Variants in TARBP1 observed in about 807,000 individuals in gnomAD.
The protein encoded by TARBP1 is tRNA guanosine 2 -O-methyltransferase TARBP1.
In TARBP1, 144 loss-of-function variants were observed where a neutral mutation model predicts 178.6. The ratio of observed to expected loss-of-function variants is 0.81; its 90% CI spans 0.70 to 0.93. The LOEUF (loss-of-function observed/expected upper bound fraction) is 0.93. Ranked by LOEUF, TARBP1 falls within the 40% of genes least tolerant of loss-of-function variation. The pLI is 0.00. For missense variants in TARBP1, 2,067 were observed against 2,011.7 expected (o/e 1.03, Z -0.53); for synonymous variants, 787 against 781.0 (o/e 1.01, Z -0.13).
At chr1:234,425,357 T>C (rs1461398973) in intron 20 of TARBP1, among the ~76,000 whole-genome samples, 1 of 152,056 alleles carries the variant, frequency 6.6e-6, no homozygotes, top group Non-Finnish European at 1.5e-5. Context: ...CAAACTTGAG[T>C]TGGACAATTA....
chr1:234,465,042 G>A (rs940123774), intron 5 of TARBP1, among the ~76,000 whole-genome samples: 6 of 151,666 alleles, frequency 4.0e-5, no homozygotes, highest in Non-Finnish European at 7.4e-5. Context: ...GTGAATTCAC[G>A]GTTCTTAATA....
chr1:234,463,127 G>T (rs935331574), intron 6 of TARBP1, among the ~76,000 whole-genome samples: 3 of 151,594 alleles, frequency 2.0e-5, no homozygotes, highest in Non-Finnish European at 2.9e-5. Flanking sequence ...GTGTTTTTTT[G>T]TTTTTTTTGT....
intron 6 of TARBP1, 95 bp downstream of exon 6, chr1:234,463,739 TTTA>T (rs1200642080): frequency 1.2e-5 from 7 of 577,202 alleles, no homozygotes; most frequent in Non-Finnish European, 2.0e-5. Context: ...TTTGAAAATA[TTTA>T]TTATAATAGT....
chr1:234,410,730 T>C (rs1001316130), intron 22 of TARBP1, among the ~76,000 whole-genome samples, 199 bp from the exon 23 acceptor site: 1 of 152,154 alleles, frequency 6.6e-6, no homozygotes, highest in Admixed American at 6.5e-5. Context: ...TAGAGCCAAA[T>C]GCCAGTGCAC....
intron 14 of TARBP1, among the ~76,000 whole-genome samples, chr1:234,432,975 A>G (rs567320696): frequency 1.3e-5 from 2 of 152,290 alleles, no homozygotes; most frequent in Non-Finnish European, 1.5e-5. Context: ...TATTAAGAGT[A>G]TCACCTGTAA....
chr1:234,447,707 T>C (rs538984124), intron 11 of TARBP1, among the ~76,000 whole-genome samples: 3 of 152,320 alleles, frequency 2.0e-5, no homozygotes, highest in East Asian at 3.9e-4. Context: ...ATCTACCTAA[T>C]GATGCTGCTT....
intron 12 of TARBP1, among the ~76,000 whole-genome samples, chr1:234,445,162 G>T (rs367604533): frequency 2.0e-5 from 3 of 152,178 alleles, no homozygotes; most frequent in East Asian, 3.9e-4. Context: ...CCTCTGGTGT[G>T]GGATCCCACC....
chr1:234,451,402 A>G (rs1321676357), intron 9 of TARBP1, among the ~76,000 whole-genome samples: 1 of 152,186 alleles, frequency 6.6e-6, no homozygotes. Context: ...AGGGTTACCC[A>G]AAGTTTACTA....
At chr1:234,427,244 G>A in intron 19 of TARBP1, 73 bp downstream of exon 19, 1 of 1,042,398 alleles carries the variant, frequency 9.6e-7, no homozygotes, top group Admixed American at 2.2e-5. Context: ...AGCAAATACA[G>A]AATGTTTGTC....
chr1:234,395,365 T>C (rs1428307387), intron 26 of TARBP1, among the ~76,000 whole-genome samples: 2 of 152,200 alleles, frequency 1.3e-5, no homozygotes, highest in Non-Finnish European at 2.9e-5. Context: ...TAAGGGGCTT[T>C]TGTAGTAGTC....
chr1:234,426,575 T>C (rs1212837175), intron 19 of TARBP1, among the ~76,000 whole-genome samples: 3 of 152,206 alleles, frequency 2.0e-5, no homozygotes, highest in African/African-American at 7.2e-5. Flanking sequence ...TACTTTATGA[T>C]AACTAAATAT....
chr1:234,406,069 C>A lies in TARBP1; in HGVS notation c.3823G>T (p.Val1275Leu). 1 of 1,614,098 alleles carries A rather than the reference C, an allele frequency of 6.2e-7. No homozygotes were observed. The highest frequency in any genetic ancestry group is 8.5e-7 in the Non-Finnish European group (1 of 1,180,006). The change falls in exon 24 of 30, where the codon GTG becomes TTG. Residue 1275 changes from valine (V) to leucine (L), a missense_variant. By Grantham distance (32) the Val-to-Leu change is conservative. Coordinates refer to ENST00000040877, the MANE Select transcript of TARBP1 (RefSeq NM_005646.4). ...TTGTGATTGAAACACCACTGCAGCACAACTATAAGGGCTTGCTTCAGAATT... is the reference window on the plus strand; with the variant it reads ...TTGTGATTGAAACACCACTGCAGCAAAACTATAAGGGCTTGCTTCAGAATT... ...KLILKQALIV[V>L]LQWCFNHNFS... is the part of the protein sequence containing the mutation.
intron 24 of TARBP1, among the ~76,000 whole-genome samples, chr1:234,403,665 T>C (rs1179262297): frequency 6.6e-6 from 1 of 152,156 alleles, no homozygotes; most frequent in African/African-American, 2.4e-5. Context: ...GGTGGCTTAA[T>C]GCCCAGGGTG....
At chr1:234,394,981 T>C (rs1005096902) in intron 26 of TARBP1, among the ~76,000 whole-genome samples, 3 of 151,018 alleles carry the variant, frequency 2.0e-5, no homozygotes, top group Non-Finnish European at 4.4e-5. Flanking sequence ...CCCAGCACTT[T>C]AGGAGGCCAA....
rs116132636 is a variant in TARBP1 at position 234,433,296 on chromosome 1, A to C, written c.2394+114T>G. ...TTATCACTAGAGGGTATATTTTAAA[A>C]CTGAATTTTAGTTAACGCTTTGTAT... is the stretch of plus-strand genomic sequence containing the variant. On this transcript the variant is annotated intron_variant, in intron 14 of 29. Transcript: ENST00000040877. 441 of 1,161,236 alleles carry C rather than the reference A, an allele frequency of 3.8e-4. No individual in the cohort carries two copies. In the African/African-American group the frequency reaches 5.2e-3, roughly 14 times the overall value. 71.9% of individuals were successfully genotyped at this position (1,161,236 alleles called of 1,614,324 possible).
intron 12 of TARBP1, among the ~76,000 whole-genome samples, chr1:234,439,575 T>C (rs1381204174): frequency 9.9e-5 from 15 of 152,096 alleles, no homozygotes; most frequent in Admixed American, 9.2e-4. Flanking sequence ...CCTGTAATCT[T>C]AGCACTTTGG....
In TARBP1 at chr1:234,391,429, T is replaced by A; in HGVS notation, c.*148A>T. The A allele has an allele frequency of 1.3e-6, 1 of 746,714 alleles. No homozygotes were observed. Among genetic ancestry groups the A allele is most frequent in the Non-Finnish European group, 2.1e-6 (1 of 481,702 alleles). The allele number at this position is 746,714 out of a possible 1,614,324, so 46.3% of individuals were successfully genotyped here. A position where few individuals can be genotyped will look rare whatever the true frequency, so the allele number is the denominator to read the frequency against. On this transcript the variant is annotated 3_prime_UTR_variant, in exon 30 of 30. Transcript: ENST00000040877. ...AAGGGGAAAATATATAGTAATATGT[T>A]TAAGGCACATGGCAAACTTTTGGCA...
intron 15 of TARBP1, 87 bp from the exon 16 acceptor site, chr1:234,429,764 TG>T (rs35706427): frequency 0.053 from 42,755 of 802,438 alleles, 947 homozygotes; most frequent in Middle Eastern, 0.06. Context: ...TTTCTAAAGG[TG>T]GGGGGGGGGG....
chr1:234,422,647 T>C (rs1663240667), intron 20 of TARBP1, among the ~76,000 whole-genome samples: 1 of 152,064 alleles, frequency 6.6e-6, no homozygotes, highest in Admixed American at 6.6e-5. Context: ...AAAAATATAC[T>C]TAGAATGAAT....
Sources: gnomAD v4.1 joint callset for allele counts (sites outside exome capture counted in the v4.1 genomes callset) on GRCh38, gnomAD v4.1.1 for gene constraint, MANE v1.5 for transcripts, NCBI Gene and HGNC (gene_info 2026-07-23, HGNC 2026-07-21) for gene names.